The following LOXL2 variants were observed in gnomAD, a reference collection of about 807,000 sequenced individuals.
The protein encoded by LOXL2 is lysyl oxidase homolog 2.
Under a neutral mutation model 93.0 loss-of-function variants are expected in LOXL2, and 70 were observed. The ratio of observed to expected loss-of-function variants is 0.75; its 90% confidence interval spans 0.62 to 0.92. LOXL2 has a LOEUF of 0.92. Ranked by LOEUF, LOXL2 falls within the 40% of genes least tolerant of loss-of-function variation. The pLI is 0.00. For synonymous variants in LOXL2, 438 were observed against 413.2 expected (o/e 1.06, Z -0.73); for missense variants, 973 against 1,054.9 (o/e 0.92, Z 1.08).
In LOXL2 at chr8:23,333,485, C is replaced by T; in HGVS notation, c.882G>A (p.Gly294=). 1 of 1,614,022 alleles carries T rather than the reference C, an allele frequency of 6.2e-7. No homozygotes were observed. Residue 294 remains glycine, a synonymous_variant, in exon 5 of 14, where the codon GGG becomes GGA. Coordinates refer to ENST00000389131, the MANE Select transcript of LOXL2 (RefSeq NM_002318.3). ...DPMKNVTCEN[G]LPAVVSCVPG... is the part of the protein sequence containing the mutation. ...GCACACAACTCACCACGGCCGGTAG[C>T]CCATTCTCGCAGGTGACATTCTTCA...
chr8:23,403,281 G>C (rs1800175303), intron 1 of LOXL2, among the ~76,000 whole-genome samples: 1 of 152,224 alleles, frequency 6.6e-6, no homozygotes, highest in South Asian at 2.1e-4. Flanking sequence ...GAAGGCGGGA[G>C]AGGGTCCCTG....
At chr8:23,299,564 G>T in intron 12 of LOXL2, among the ~76,000 whole-genome samples, 1 of 152,168 alleles carries the variant, frequency 6.6e-6, no homozygotes, top group South Asian at 2.1e-4. Flanking sequence ...AGCAGGAATA[G>T]GAAGGACATA....
intron 1 of LOXL2, among the ~76,000 whole-genome samples, chr8:23,370,237 G>A (rs1054476979): frequency 3.3e-5 from 5 of 152,068 alleles, no homozygotes; most frequent in Non-Finnish European, 7.4e-5. Flanking sequence ...CTAGAACAAC[G>A]CGCCTCCATC....
intron 1 of LOXL2, among the ~76,000 whole-genome samples, chr8:23,375,372 G>C (rs1180413345): frequency 6.6e-6 from 1 of 152,092 alleles, no homozygotes; most frequent in East Asian, 1.9e-4. Flanking sequence ...TTTGAAGTCA[G>C]GTAGCTTGAT....
intron 10 of LOXL2, among the ~76,000 whole-genome samples, chr8:23,308,282 G>A (rs976525606): frequency 6.6e-6 from 1 of 152,220 alleles, no homozygotes; most frequent in African/African-American, 2.4e-5. Flanking sequence ...GGTCACCTGA[G>A]AATCCTGCCA....
intron 1 of LOXL2, among the ~76,000 whole-genome samples, chr8:23,375,685 G>A (rs936080689): frequency 6.6e-6 from 1 of 152,030 alleles, no homozygotes; most frequent in African/African-American, 2.4e-5. Context: ...TGGATTACTA[G>A]GTATTTTATT....
At chr8:23,360,716 C>T (rs928491040) in intron 2 of LOXL2, among the ~76,000 whole-genome samples, 1 of 152,124 alleles carries the variant, frequency 6.6e-6, no homozygotes, top group South Asian at 2.1e-4. Context: ...TAGTTCATTG[C>T]TGGTCACAGT....
Position 23,359,232 on chromosome 8 carries a change from C to A in LOXL2, c.531+858G>T, listed in dbSNP as rs148597879. Among the ~76,000 whole-genome samples, 359 of 152,304 alleles carry A rather than the reference C, an allele frequency of 2.4e-3. 1 individual carries two copies. The highest frequency in any genetic ancestry group is 8.3e-3 in the African/African-American group (343 of 41,570). On this transcript the variant is annotated intron_variant, in intron 3 of 13. Transcript: ENST00000389131. ...CCAGCTTCCAAGATGGCCCCAGCAA[C>A]CCTACCTGGTGTCACACATTTGTGT...
Position 23,300,924 on chromosome 8 carries a change from T to G in LOXL2, c.2133+1103A>C, listed in dbSNP as rs558985119. On this transcript the variant is annotated intron_variant, in intron 12 of 13. Transcript: ENST00000389131. ...ACGGCTATTCATCTTTTAAAATAAA[T>G]AACTCTCTGGTTAGGCCTCTCCAAG... 2.6e-5 allele frequency among the ~76,000 whole-genome samples: 4 copies of G among 152,344 alleles called. No individual in the cohort carries two copies. The East Asian group carries it at 7.7e-4, about 29-fold the overall frequency.
chr8:23,340,746 A>G (rs939269558), intron 4 of LOXL2, among the ~76,000 whole-genome samples: 31 of 152,132 alleles, frequency 2.0e-4, no homozygotes, highest in African/African-American at 7.5e-4. Flanking sequence ...CCTTCCCACA[A>G]GCTACTCTAG....
chr8:23,370,950 C>A (rs1188588642), intron 1 of LOXL2: 4 of 152,146 alleles, frequency 2.6e-5, no homozygotes, highest in Admixed American at 2.6e-4. Context: ...TCCAGAATGA[C>A]AAAAGACATC....
intron 1 of LOXL2, among the ~76,000 whole-genome samples, chr8:23,371,488 C>T (rs1804491477): frequency 6.6e-6 from 1 of 152,062 alleles, no homozygotes; most frequent in South Asian, 2.1e-4. Context: ...TGCAGTGGCT[C>T]ACGCCTGTAA....
At chr8:23,333,645 A>G in intron 4 of LOXL2, 22 bp from the exon 5 acceptor site, 2 of 1,590,308 alleles carry the variant, frequency 1.3e-6, no homozygotes, top group Non-Finnish European at 1.7e-6. Context: ...GGGAGGGGAC[A>G]GGGGACCAGG....
At chr8:23,335,774 C>G (rs1803778911) in intron 4 of LOXL2, among the ~76,000 whole-genome samples, 1 of 152,148 alleles carries the variant, frequency 6.6e-6, no homozygotes, top group Non-Finnish European at 1.5e-5. Flanking sequence ...TCCAGCAGCC[C>G]TGGAAGTACC....
In LOXL2 at chr8:23,399,761, T is replaced by A. The variant is rs191894433; in HGVS notation, c.-84+4193A>T. On this transcript the variant is annotated intron_variant, in intron 1 of 13. Transcript: ENST00000389131. ...ACACCTCCTAAGGCTCCCCAAACTT[T>A]AAAATGAAGGAAGCAGTCATGCTTG... 3.5e-4 allele frequency among the ~76,000 whole-genome samples: 53 copies of A among 152,316 alleles called. No individual in the cohort carries two copies. The East Asian group carries it at 9.4e-3, about 27-fold the overall frequency.
chr8:23,380,349 T>C (rs111558593), intron 1 of LOXL2, among the ~76,000 whole-genome samples: 15,103 of 138,498 alleles, frequency 0.11, 1,051 homozygotes, highest in Non-Finnish European at 0.15. Flanking sequence ...GGTGAGATCA[T>C]GCCACTGCAC....
intron 1 of LOXL2, among the ~76,000 whole-genome samples, chr8:23,398,140 G>A (rs746675056): frequency 1.3e-5 from 2 of 152,096 alleles, no homozygotes; most frequent in African/African-American, 2.4e-5. Context: ...CAAGCCTGGG[G>A]GCAAAAGAAG....
intron 2 of LOXL2, among the ~76,000 whole-genome samples, chr8:23,367,688 G>A (rs1804427313): frequency 6.7e-6 from 1 of 149,574 alleles, no homozygotes; most frequent in African/African-American, 2.6e-5. Context: ...CCCCTACCTG[G>A]GGTCACCAAC....
chr8:23,331,270 G>T (rs561781438), intron 5 of LOXL2, among the ~76,000 whole-genome samples: 40 of 152,218 alleles, frequency 2.6e-4, no homozygotes, highest in African/African-American at 9.4e-4. Context: ...CTCAGCCTCT[G>T]CTGCTCCTGC....
Sources: allele counts gnomAD v4.1 joint callset (sites outside exome capture counted in the v4.1 genomes callset), GRCh38; gene constraint gnomAD v4.1.1; transcripts MANE v1.5; gene names NCBI Gene and HGNC (gene_info 2026-07-23, HGNC 2026-07-21).